BATF2: variants seen among roughly 807,000 people sequenced by gnomAD.
The protein encoded by BATF2 is basic leucine zipper transcriptional factor ATF-like 2.
Under a neutral mutation model 7.3 loss-of-function variants are expected in BATF2, and 4 were observed. That is an observed-to-expected ratio of 0.55 (90% CI 0.27 to 1.26). The LOEUF is 1.26. Ranked by LOEUF, BATF2 falls within the 50% of genes most tolerant of loss-of-function variation. BATF2 has a pLI of 0.11. For missense variants in BATF2, 295 were observed against 340.5 expected (o/e 0.87, Z 1.05); for synonymous variants, 152 against 153.9 (o/e 0.99, Z 0.09).
intron 2 of BATF2, among the ~76,000 whole-genome samples, chr11:64,992,045 T>C (rs1329704308): frequency 6.6e-6 from 1 of 152,118 alleles, no homozygotes; most frequent in African/African-American, 2.4e-5. Context: ...GTTGTTGTTG[T>C]TTTTGAGACA....
chr11:64,993,032 G>T (rs1170549482), intron 2 of BATF2, among the ~76,000 whole-genome samples: 1 of 151,710 alleles, frequency 6.6e-6, no homozygotes, highest in South Asian at 2.1e-4. Context: ...AAAAAAGAAA[G>T]AATAAATAAA....
chr11:64,995,753 C>G (rs1946105326), intron 1 of BATF2, among the ~76,000 whole-genome samples: 1 of 152,176 alleles, frequency 6.6e-6, no homozygotes, highest in Admixed American at 6.6e-5. Context: ...CCTGGCCGCC[C>G]TGGCTGCAGA....
In BATF2 at chr11:64,989,613, T is replaced by G; in HGVS notation, c.341A>C (p.Gln114Pro). The G allele has an allele frequency of 1.2e-6, 2 of 1,609,752 alleles. No homozygotes were observed. The highest frequency in any genetic ancestry group is 1.7e-6 in the Non-Finnish European group (2 of 1,178,300). Residue 114 changes from glutamine to proline, a missense_variant, in exon 3 of 3, where the codon CAA becomes CCA. Transcript: ENST00000301887. The surrounding 1 kb of genome is among the most constrained non-coding windows in gnomAD (Gnocchi z 4.3). ...CTCCAGCTGCTCCCGGCAGCCATGTTGTCCCTGTGGGCCAGGGCCCAGGAG... is the reference window on the plus strand; with the variant it reads ...CTCCAGCTGCTCCCGGCAGCCATGTGGTCCCTGTGGGCCAGGGCCCAGGAG... Reference protein sequence around the residue: ...EGLLGPGPQGQHGCREQLELF... With the variant: ...EGLLGPGPQGPHGCREQLELF...
intron 1 of BATF2, among the ~76,000 whole-genome samples, chr11:64,995,716 T>A (rs916412862): frequency 6.6e-6 from 1 of 152,142 alleles, no homozygotes; most frequent in Non-Finnish European, 1.5e-5. Context: ...GGGTATGTGT[T>A]TTGAGGGTAA....
chr11:64,993,712 C>A (rs1341126746), intron 2 of BATF2, among the ~76,000 whole-genome samples: 1 of 152,162 alleles, frequency 6.6e-6, no homozygotes, highest in South Asian at 2.1e-4. Flanking sequence ...TGAATTCTGA[C>A]CCCCAGGTGA....
intron 2 of BATF2, among the ~76,000 whole-genome samples, chr11:64,991,853 C>T (rs758837881): frequency 1.2e-4 from 19 of 152,142 alleles, no homozygotes; most frequent in Non-Finnish European, 2.2e-4. Context: ...TAAACGGATG[C>T]GTGGGTCTCC....
rs745652781 is a variant in BATF2, at chr11:64,996,871, C to G, written c.39+5G>C. ...CATCCCCGATCCCCAATCCCCTGTACTCACTGTCTGGGTCAGCAGCCCATT... is the reference window on the plus strand; with the variant it reads ...CATCCCCGATCCCCAATCCCCTGTAGTCACTGTCTGGGTCAGCAGCCCATT... On this transcript the variant is annotated splice_donor_5th_base_variant and intron_variant, in intron 1 of 2. Transcript: ENST00000301887. The G allele has an allele frequency of 9.3e-6, 15 of 1,611,318 alleles. No individual in the cohort carries two copies. The highest frequency in any genetic ancestry group is 1.3e-5 in the Non-Finnish European group (15 of 1,178,752).
intron 2 of BATF2, among the ~76,000 whole-genome samples, chr11:64,991,415 A>G (rs898073075): frequency 2.0e-5 from 3 of 152,142 alleles, no homozygotes; most frequent in Non-Finnish European, 4.4e-5. Flanking sequence ...TTGGCCTCCC[A>G]AAGTGCTGGG....
Position 64,989,949 on chromosome 11 carries a change from G to T in BATF2, c.142-137C>A. 2 of 1,441,462 alleles carry T rather than the reference G, an allele frequency of 1.4e-6. No homozygotes were observed. Among genetic ancestry groups the T allele is most frequent in the East Asian group, 2.5e-5 (1 of 40,184 alleles). 89.3% of individuals were successfully genotyped at this position (1,441,462 alleles called of 1,614,324 possible). A position where few individuals can be genotyped will look rare whatever the true frequency, so the allele number is the denominator to read the frequency against. ...TTGGAATAGCCAAGTGGGGTCTCTTGGCCACTCTCTGGCCAGCCCTTCATA... is the reference window on the plus strand; with the variant it reads ...TTGGAATAGCCAAGTGGGGTCTCTTTGCCACTCTCTGGCCAGCCCTTCATA... On this transcript the variant is annotated intron_variant, in intron 2 of 2. Transcript: ENST00000301887. This position sits in a 1 kb window ranked among gnomAD's most constrained non-coding sequence, Gnocchi z 4.3.
chr11:64,996,798 C>T, intron 1 of BATF2, 78 bp downstream of exon 1: 1 of 1,571,348 alleles, frequency 6.4e-7, no homozygotes, highest in South Asian at 1.1e-5. Context: ...CTCCCGACTG[C>T]AGCCCTCACT....
rs747513946 is a variant in BATF2 at position 64,989,919 on chromosome 11, C to A, written c.142-107G>T. Reference sequence around the variant, plus strand: ...CTCAACTTCAGGAGAAAGATGCCACCACCATTGGAATAGCCAAGTGGGGTC... The same window carrying A: ...CTCAACTTCAGGAGAAAGATGCCACAACCATTGGAATAGCCAAGTGGGGTC... On this transcript the variant is annotated intron_variant, in intron 2 of 2. Transcript: ENST00000301887. The surrounding 1 kb of genome is among the most constrained non-coding windows in gnomAD (Gnocchi z 4.3). The A allele has an allele frequency of 6.9e-7, 1 of 1,456,774 alleles. No homozygotes were observed. Among genetic ancestry groups the A allele is most frequent in the South Asian group, 1.2e-5 (1 of 81,750 alleles). 90.2% of individuals were successfully genotyped at this position (1,456,774 alleles called of 1,614,324 possible).
At position 64,989,198 on chromosome 11, in the gene BATF2, C is replaced by T; in HGVS notation, c.756G>A (p.Leu252=). Residue 252 remains leucine, a synonymous_variant, in exon 3 of 3, where the codon CTG becomes CTA. Coordinates refer to ENST00000301887, the MANE Select transcript of BATF2 (RefSeq NM_138456.4). This position sits in a 1 kb window ranked among gnomAD's most constrained non-coding sequence, Gnocchi z 4.3. ...GAGGGTGAGGGCTGGGATCCACAAC[C>T]AGCCCTTGCCAAGTGGCTGCTGAGA... ...PALSAATWQG[L]VVDPSPHPLL... The T allele has an allele frequency of 1.2e-6, 2 of 1,614,112 alleles. No individual in the cohort carries two copies. Among genetic ancestry groups the T allele is most frequent in the Middle Eastern group, 1.7e-4 (1 of 6,060 alleles).
intron 1 of BATF2, among the ~76,000 whole-genome samples, chr11:64,996,155 T>G (rs1946108330): frequency 6.6e-6 from 1 of 151,962 alleles, no homozygotes; most frequent in African/African-American, 2.4e-5. Flanking sequence ...GAGACGGGGT[T>G]TCACCATGTT....
intron 2 of BATF2, 102 bp downstream of exon 2, chr11:64,994,346 C>G (rs745875269): frequency 4.4e-6 from 5 of 1,127,478 alleles, no homozygotes; most frequent in African/African-American, 1.6e-5. Context: ...TAGAAAAATA[C>G]AGGAGTTTGG....
Position 64,988,929 on chromosome 11 carries a change from TG to T in BATF2, c.*199del. 1 of 594,422 alleles carries T rather than the reference TG, an allele frequency of 1.7e-6. No individual in the cohort carries two copies. The highest frequency in any genetic ancestry group is 2.1e-5 in the South Asian group (1 of 46,750). The allele number at this position is 594,422 out of a possible 1,614,324, so 36.8% of individuals were successfully genotyped here. ...TAATCTCGATTTCTCAGGTCAACTG[TG>T]AGGTTGAAATAAGATATTGGTGGTG... On this transcript the variant is annotated 3_prime_UTR_variant, in exon 3 of 3. Transcript: ENST00000301887.
intron 2 of BATF2, among the ~76,000 whole-genome samples, chr11:64,993,691 T>G (rs1946092307): frequency 6.6e-6 from 1 of 152,198 alleles, no homozygotes; most frequent in African/African-American, 2.4e-5. Flanking sequence ...AGTATGGTCT[T>G]GGTCACCTCC....
intron 2 of BATF2, among the ~76,000 whole-genome samples, chr11:64,994,028 G>A (rs1312620848): frequency 2.6e-5 from 4 of 152,030 alleles, no homozygotes; most frequent in Non-Finnish European, 2.9e-5. Context: ...GAACTCCTGG[G>A]CTCAAACAAT....
At chr11:64,995,675 A>G (rs1946104739) in intron 1 of BATF2, among the ~76,000 whole-genome samples, 1 of 152,210 alleles carries the variant, frequency 6.6e-6, no homozygotes, top group Admixed American at 6.5e-5. Flanking sequence ...TGGAGAGCTC[A>G]CAGCCCAGCC....
chr11:64,993,405 A>G (rs369648671), intron 2 of BATF2, among the ~76,000 whole-genome samples: 3 of 152,166 alleles, frequency 2.0e-5, no homozygotes, highest in African/African-American at 7.2e-5. Flanking sequence ...AGGAAGGGAA[A>G]GAGATCACTC....
Sources: gnomAD v4.1 joint callset for allele counts (sites outside exome capture counted in the v4.1 genomes callset) on GRCh38, gnomAD v4.1.1 for gene constraint, Gnocchi (gnomAD v3.1) non-coding constraint, MANE v1.5 for transcripts, NCBI Gene and HGNC (gene_info 2026-07-23, HGNC 2026-07-21) for gene names.